FHOD3: variants seen among roughly 807,000 people sequenced by gnomAD.
The protein encoded by FHOD3 is formin homology 2 domain containing 3, also known as FH1/FH2 domain-containing protein 3.
FHOD3 carries 90 observed loss-of-function variants against 173.0 expected under a neutral mutation model. That is an observed-to-expected ratio of 0.52 (90% confidence interval 0.44 to 0.62). The LOEUF (loss-of-function observed/expected upper bound fraction) is 0.62. Among genes scored for constraint, FHOD3 ranks in the 20% least tolerant of loss-of-function variants. FHOD3 has a pLI of 0.00. For missense variants in FHOD3, 1,945 were observed against 2,034.7 expected, an observed-to-expected ratio of 0.96 and a Z score of 0.85; for synonymous variants, 828 against 823.0, an observed-to-expected ratio of 1.01 and a Z score of -0.10.
intron 4 of FHOD3, among the ~76,000 whole-genome samples, chr18:36,506,794 T>C (rs983399259): frequency 6.6e-6 from 1 of 152,148 alleles, no homozygotes; most frequent in Non-Finnish European, 1.5e-5. Context: ...ATCATATTAG[T>C]TTATAAAAGC....
intron 4 of FHOD3, among the ~76,000 whole-genome samples, chr18:36,509,426 C>CAAAAAA (rs34772691): frequency 1.2e-3 from 64 of 54,620 alleles, no homozygotes; most frequent in East Asian, 3.9e-3. Flanking sequence ...GACTCCATCT[C>CAAAAAA]AAAAAAAAAA....
intron 27 of FHOD3, among the ~76,000 whole-genome samples, chr18:36,764,567 T>C (rs1305964225): frequency 6.6e-6 from 1 of 152,032 alleles, no homozygotes; most frequent in East Asian, 1.9e-4. Flanking sequence ...GAAGCCTTCT[T>C]AGGGGGTGGA....
intron 27 of FHOD3, among the ~76,000 whole-genome samples, chr18:36,762,091 C>T (rs1280025871): frequency 6.6e-6 from 1 of 152,114 alleles, no homozygotes; most frequent in African/African-American, 2.4e-5. Flanking sequence ...TCTTCAGTGA[C>T]TTCTAATAGG....
intron 20 of FHOD3, among the ~76,000 whole-genome samples, chr18:36,737,262 A>G (rs1324771754): frequency 6.6e-6 from 1 of 152,252 alleles, no homozygotes; most frequent in African/African-American, 2.4e-5. Context: ...TCATCACAGG[A>G]AGATGTCTTC....
intron 3 of FHOD3, among the ~76,000 whole-genome samples, chr18:36,376,130 A>G (rs1489981997): frequency 6.6e-6 from 1 of 152,196 alleles, no homozygotes; most frequent in Non-Finnish European, 1.5e-5. Context: ...CAGAGGGCCA[A>G]CTGGCTCTGA....
chr18:36,463,732 G>C (rs972005172), intron 3 of FHOD3, among the ~76,000 whole-genome samples: 3 of 152,134 alleles, frequency 2.0e-5, no homozygotes, highest in African/African-American at 7.2e-5. Flanking sequence ...CTGTGCTTAA[G>C]CAATCTGCCC....
At chr18:36,341,127 T>C (rs1598769950) in intron 1 of FHOD3, among the ~76,000 whole-genome samples, 3 of 152,362 alleles carry the variant, frequency 2.0e-5, no homozygotes, top group South Asian at 4.1e-4. Flanking sequence ...AATTACAGTG[T>C]TCTGTGAGCT....
intron 15 of FHOD3, among the ~76,000 whole-genome samples, chr18:36,684,619 A>G (rs1298025470): frequency 2.6e-5 from 4 of 152,358 alleles, no homozygotes; most frequent in East Asian, 1.9e-4. Context: ...ACTCATTGCT[A>G]TGAGTGAACC....
At chr18:36,344,791 A>T (rs1378646015) in intron 1 of FHOD3, among the ~76,000 whole-genome samples, 1 of 152,144 alleles carries the variant, frequency 6.6e-6, no homozygotes. Context: ...CTTATAAGAG[A>T]TACATCTAAA....
chr18:36,595,367 A>C (rs2030157279), intron 7 of FHOD3, among the ~76,000 whole-genome samples: 2 of 151,998 alleles, frequency 1.3e-5, no homozygotes, highest in Admixed American at 1.3e-4. Context: ...CCACCCTCCC[A>C]AACAGTTCGG....
intron 3 of FHOD3, among the ~76,000 whole-genome samples, chr18:36,376,269 G>C (rs1251527484): frequency 6.6e-6 from 1 of 152,166 alleles, no homozygotes; most frequent in Non-Finnish European, 1.5e-5. Context: ...TTTTTTACTG[G>C]CTGGCTTTGA....
chr18:36,604,300 A>T (rs765625389), intron 8 of FHOD3, among the ~76,000 whole-genome samples: 1 of 152,228 alleles, frequency 6.6e-6, no homozygotes, highest in Non-Finnish European at 1.5e-5. Flanking sequence ...CATTCCTGAA[A>T]TACAGCTGGA....
chr18:36,298,264 A>C (rs1360729601), intron 1 of FHOD3, among the ~76,000 whole-genome samples: 1 of 146,980 alleles, frequency 6.8e-6, no homozygotes, highest in Non-Finnish European at 1.5e-5. Context: ...AGCCGGTCCG[A>C]GGCGGGATGG....
At chr18:36,612,653 T>A (rs1442833374) in intron 9 of FHOD3, among the ~76,000 whole-genome samples, 2 of 152,330 alleles carry the variant, frequency 1.3e-5, no homozygotes, top group Admixed American at 6.5e-5. Context: ...GAAAGAAAAA[T>A]TAAAAATTAA....
chr18:36,605,148 A>G (rs1220388584), intron 8 of FHOD3, among the ~76,000 whole-genome samples: 4 of 152,056 alleles, frequency 2.6e-5, no homozygotes, highest in Non-Finnish European at 5.9e-5. Context: ...ATTTGAAGCA[A>G]TTTTCTGTTG....
At chr18:36,480,394 G>A (rs976507253) in intron 3 of FHOD3, among the ~76,000 whole-genome samples, 6 of 152,288 alleles carry the variant, frequency 3.9e-5, no homozygotes, top group African/African-American at 2.4e-5. Context: ...CTAAAGTTTC[G>A]CTAGCGGGAA....
At chr18:36,561,955 C>A (rs549514039) in intron 5 of FHOD3, among the ~76,000 whole-genome samples, 1 of 132,290 alleles carries the variant, frequency 7.6e-6, no homozygotes, top group Non-Finnish European at 1.7e-5. Flanking sequence ...ACTACTACTA[C>A]ACTGTGTATT....
At chr18:36,577,079 C>A (rs1375000170) in intron 6 of FHOD3, among the ~76,000 whole-genome samples, 1 of 147,894 alleles carries the variant, frequency 6.8e-6, no homozygotes, top group Non-Finnish European at 1.5e-5. Context: ...GGTGATGGAG[C>A]AAGACTCTGT....
intron 1 of FHOD3, among the ~76,000 whole-genome samples, chr18:36,342,082 A>C (rs1284854583): frequency 6.6e-6 from 1 of 152,246 alleles, no homozygotes; most frequent in African/African-American, 2.4e-5. Flanking sequence ...AAATACAAAA[A>C]AAGTATGGAG....
Sources: gnomAD v4.1 joint callset for allele counts (sites outside exome capture counted in the v4.1 genomes callset) on GRCh38, gnomAD v4.1.1 for gene constraint, MANE v1.5 for transcripts, NCBI Gene and HGNC (gene_info 2026-07-23, HGNC 2026-07-21) for gene names.